PHAX: variants seen among roughly 807,000 people sequenced by gnomAD.
The protein encoded by PHAX is phosphorylated adapter RNA export protein.
PHAX carries 31 observed loss-of-function variants against 41.6 expected under a neutral mutation model. The ratio of observed to expected loss-of-function variants is 0.75; its 90% CI spans 0.56 to 1.01. PHAX has a LOEUF of 1.01. Ranked by LOEUF, PHAX falls within the 50% of genes least tolerant of loss-of-function variation. PHAX has a pLI of 0.00. For synonymous variants in PHAX, 175 were observed against 164.9 expected, an observed-to-expected ratio of 1.06 and a Z score of -0.47; for missense variants, 453 against 472.9, an observed-to-expected ratio of 0.96 and a Z score of 0.39.
At chr5:126,603,019 A>G (rs1751927911) in intron 1 of PHAX, among the ~76,000 whole-genome samples, 1 of 151,348 alleles carries the variant, frequency 6.6e-6, no homozygotes, top group South Asian at 2.1e-4. Context: ...AAAAAAAAAA[A>G]AAATACATGC....
Position 126,601,030 on chromosome 5 carries a change from C to T in PHAX, c.68C>T (p.Ala23Val). The change falls in exon 1 of 5, where the codon GCA (alanine) becomes GTA (valine). Residue 23 changes from alanine (A) to valine (V), a missense_variant. Ala to Val is a moderately conservative substitution (Grantham distance 64). Coordinates refer to ENST00000297540, the MANE Select transcript of PHAX (RefSeq NM_032177.4). ...LSDSDSDMTV[A>V]PSDRPLQLPK... ...GACTCGGATTCCGACATGACGGTCG[C>T]ACCCAGCGACAGGCCGCTGCAATTG... 6.8e-6 allele frequency: 11 copies of T among 1,606,524 alleles called. No homozygotes were observed. Among genetic ancestry groups the T allele is most frequent in the Non-Finnish European group, 9.3e-6 (11 of 1,176,720 alleles).
chr5:126,619,315 T>C (rs1752234324), intron 4 of PHAX, among the ~76,000 whole-genome samples: 3 of 152,102 alleles, frequency 2.0e-5, no homozygotes, highest in African/African-American at 7.2e-5. Context: ...TGGTGGCTCC[T>C]GTCTGTAATT....
intron 3 of PHAX, among the ~76,000 whole-genome samples, chr5:126,608,865 G>T (rs532170071): frequency 1.3e-5 from 2 of 151,250 alleles, no homozygotes; most frequent in African/African-American, 4.9e-5. Flanking sequence ...GAACCTGAGA[G>T]ACCAGAGGTT....
intron 1 of PHAX, among the ~76,000 whole-genome samples, chr5:126,602,961 C>T (rs1308910830): frequency 6.7e-6 from 1 of 150,316 alleles, no homozygotes; most frequent in African/African-American, 2.5e-5. Context: ...GCCGAGATCG[C>T]GCCACTGCAC....
At chr5:126,605,000 C>G (rs1314371027) in intron 2 of PHAX, among the ~76,000 whole-genome samples, 1 of 151,718 alleles carries the variant, frequency 6.6e-6, no homozygotes, top group Non-Finnish European at 1.5e-5. Flanking sequence ...TGCCACTGCA[C>G]TCCAGCCTGG....
At chr5:126,622,334 A>G in intron 4 of PHAX, among the ~76,000 whole-genome samples, 1 of 150,240 alleles carries the variant, frequency 6.7e-6, no homozygotes, top group Non-Finnish European at 1.5e-5. Context: ...GGGTTTCACC[A>G]TGTTGGCCAG....
intron 2 of PHAX, among the ~76,000 whole-genome samples, chr5:126,607,301 T>G (rs2112830541): frequency 6.6e-6 from 1 of 151,994 alleles, no homozygotes; most frequent in Admixed American, 6.6e-5. Context: ...AGTTAAACCC[T>G]GATCCTTGTG....
At chr5:126,624,511 G>A in intron 4 of PHAX, 64 bp from the exon 5 acceptor site, 2 of 1,236,070 alleles carry the variant, frequency 1.6e-6, no homozygotes, top group Non-Finnish European at 2.3e-6. Context: ...TAAAGGGACA[G>A]TCATGGAATA....
At chr5:126,615,508 C>CTTTTTTTTTTT (rs35158448) in intron 3 of PHAX, among the ~76,000 whole-genome samples, 1 of 111,540 alleles carries the variant, frequency 9.0e-6, no homozygotes, top group African/African-American at 3.2e-5. Context: ...ACATTCTGTG[C>CTTTTTTTTTTT]TTTTTTTTTT....
chr5:126,611,345 C>T (rs185866788), intron 3 of PHAX, among the ~76,000 whole-genome samples: 29 of 152,340 alleles, frequency 1.9e-4, no homozygotes, highest in African/African-American at 6.0e-4. Context: ...TGAGGCACCA[C>T]GCCCGGCCTC....
chr5:126,607,773 C>T (rs543750546), intron 2 of PHAX, among the ~76,000 whole-genome samples: 2 of 152,262 alleles, frequency 1.3e-5, no homozygotes, highest in East Asian at 1.9e-4. Flanking sequence ...TGTTTCTAAC[C>T]TCTCAGTGAC....
intron 4 of PHAX, among the ~76,000 whole-genome samples, chr5:126,620,225 G>C (rs1043761891): frequency 6.6e-6 from 1 of 152,116 alleles, no homozygotes; most frequent in Non-Finnish European, 1.5e-5. Flanking sequence ...TCAGTAACAT[G>C]ATTTGTAACA....
intron 3 of PHAX, among the ~76,000 whole-genome samples, chr5:126,614,835 C>T (rs1196664358): frequency 6.6e-6 from 1 of 152,096 alleles, no homozygotes; most frequent in Non-Finnish European, 1.5e-5. Flanking sequence ...CGGCTTACTG[C>T]AACCTCTGCC....
At chr5:126,609,544 C>T (rs1399756313) in intron 3 of PHAX, among the ~76,000 whole-genome samples, 1 of 152,044 alleles carries the variant, frequency 6.6e-6, no homozygotes, top group African/African-American at 2.4e-5. Context: ...TGTTTGACTT[C>T]TTGGAGCCTC....
At chr5:126,606,901 C>A (rs1751998676) in intron 2 of PHAX, among the ~76,000 whole-genome samples, 1 of 152,126 alleles carries the variant, frequency 6.6e-6, no homozygotes, top group African/African-American at 2.4e-5. Context: ...AGATGATCCA[C>A]CCCCTTCGAC....
intron 3 of PHAX, among the ~76,000 whole-genome samples, chr5:126,609,559 T>A (rs1351529893): frequency 4.6e-5 from 7 of 152,122 alleles, no homozygotes; most frequent in African/African-American, 1.7e-4. Context: ...AGCCTCAGTC[T>A]CCTCAGCTGT....
chr5:126,624,428 A>G (rs374831578), intron 4 of PHAX, 147 bp from the exon 5 acceptor site: 4 of 688,898 alleles, frequency 5.8e-6, no homozygotes, highest in Non-Finnish European at 7.3e-6. Flanking sequence ...TACTTACTTA[A>G]TATCTTGAAC....
intron 3 of PHAX, among the ~76,000 whole-genome samples, chr5:126,615,702 AAT>A (rs1752174445): frequency 6.6e-6 from 1 of 152,136 alleles, no homozygotes; most frequent in Admixed American, 6.6e-5. Context: ...AATGTTAATG[AAT>A]CAACAATATG....
At chr5:126,619,810 A>G (rs754224354) in intron 4 of PHAX, among the ~76,000 whole-genome samples, 1 of 152,140 alleles carries the variant, frequency 6.6e-6, no homozygotes, top group Non-Finnish European at 1.5e-5. Context: ...TTTTCTTTTA[A>G]TTTGTTAATC....
Sources: gnomAD v4.1 joint callset for allele counts (sites outside exome capture counted in the v4.1 genomes callset) on GRCh38, gnomAD v4.1.1 for gene constraint, MANE v1.5 for transcripts, NCBI Gene and HGNC (gene_info 2026-07-23, HGNC 2026-07-21) for gene names.